PEPD: variants seen among roughly 807,000 people sequenced by gnomAD.
PEPD encodes the protein xaa-Pro dipeptidase.
PEPD carries 53 observed loss-of-function variants against 60.7 expected under a neutral mutation model. The observed-to-expected ratio is 0.87, with a 90% CI of 0.70 to 1.10. The LOEUF (loss-of-function observed/expected upper bound fraction) is 1.10, where lower values mean the gene tolerates loss of function less well. PEPD is among the 50% of genes least tolerant of loss of function. The probability of loss-of-function intolerance (pLI) is 0.00; values close to 1 mark genes in which losing one functional copy is unlikely to be tolerated. For missense variants in PEPD, 711 were observed against 711.9 expected (o/e 1.00, Z 0.01); for synonymous variants, 267 against 284.1 (o/e 0.94, Z 0.60).
intron 6 of PEPD, among the ~76,000 whole-genome samples, 193 bp downstream of exon 6, chr19:33,489,803 G>A (rs990355431): frequency 1.3e-5 from 2 of 152,060 alleles, no homozygotes; most frequent in African/African-American, 2.4e-5. Flanking sequence ...AACAGACACG[G>A]GGCACCTTTC....
intron 10 of PEPD, 38 bp from the exon 11 acceptor site, chr19:33,411,787 T>C: frequency 7.8e-7 from 1 of 1,287,166 alleles, no homozygotes. Context: ...AAGCCCATTC[T>C]TCTGCAGCAG....
chr19:33,449,371 A>G lies in PEPD; in HGVS notation c.671+13624T>C, dbSNP rs566215158. Among the ~76,000 whole-genome samples, 5 of 152,312 alleles carry G rather than the reference A, an allele frequency of 3.3e-5. No individual in the cohort carries two copies. In the South Asian group the frequency reaches 1.0e-3, roughly 32 times the overall value. On this transcript the variant is annotated intron_variant, in intron 9 of 14. Transcript: ENST00000244137. ...AGCTCTTGGCCAGCTGTGCAGAAAG[A>G]GCCAGAGAGGTCTCCTGGGTGAAAA...
chr19:33,492,671 T>A (rs1297330423), intron 5 of PEPD, among the ~76,000 whole-genome samples: 3 of 152,210 alleles, frequency 2.0e-5, no homozygotes, highest in Admixed American at 2.0e-4. Context: ...TTAAACTGAC[T>A]TTCTACATCC....
rs560149023 is a variant in PEPD, at chr19:33,403,155, C to G, written c.819-1286G>C. On this transcript the variant is annotated intron_variant, in intron 11 of 14. Transcript: ENST00000244137. ...AGGGGGCGGAGGGGCGCAGGTGGTG[C>G]CCCTTTCCATCCATCCCACCTAGGC... Among the ~76,000 whole-genome samples the G allele has an allele frequency of 2.0e-5, 3 of 152,312 alleles. No individual in the cohort carries two copies. In the South Asian group the frequency reaches 6.2e-4, roughly 32 times the overall value.
At chr19:33,389,308 C>G (rs575749109) in intron 13 of PEPD, among the ~76,000 whole-genome samples, 5 of 152,100 alleles carry the variant, frequency 3.3e-5, no homozygotes, top group Admixed American at 3.3e-4. Context: ...GGCCGCTGAC[C>G]GGGAGCTGAG....
chr19:33,511,342 G>A, intron 2 of PEPD, 187 bp from the exon 3 acceptor site: 1 of 610,494 alleles, frequency 1.6e-6, no homozygotes, highest in Non-Finnish European at 3.0e-6. Flanking sequence ...TTTGGCAGGG[G>A]GCAGCCTGGC....
intron 7 of PEPD, among the ~76,000 whole-genome samples, chr19:33,464,467 C>T (rs986852332): frequency 3.3e-5 from 5 of 152,210 alleles, no homozygotes; most frequent in Non-Finnish European, 7.3e-5. Context: ...CTGCTGCCTC[C>T]CAGGGCTCTG....
intron 11 of PEPD, among the ~76,000 whole-genome samples, chr19:33,405,773 T>A (rs565988365): frequency 1.1e-3 from 161 of 152,348 alleles, no homozygotes; most frequent in African/African-American, 3.3e-3. Context: ...CAAGGGGACC[T>A]CTCTCCAGTG....
intron 9 of PEPD, among the ~76,000 whole-genome samples, chr19:33,457,773 G>A (rs1969831836): frequency 6.6e-6 from 1 of 152,232 alleles, no homozygotes; most frequent in African/African-American, 2.4e-5. Context: ...GCCTCCCAAA[G>A]TGCTGGAATT....
chr19:33,433,791 G>A (rs1043324540), intron 9 of PEPD, among the ~76,000 whole-genome samples: 1 of 152,190 alleles, frequency 6.6e-6, no homozygotes, highest in African/African-American at 2.4e-5. Flanking sequence ...CTGTAGCTCT[G>A]GAGATGTCTG....
At chr19:33,517,911 G>A (rs1971054030) in intron 1 of PEPD, among the ~76,000 whole-genome samples, 1 of 150,696 alleles carries the variant, frequency 6.6e-6, no homozygotes, top group Non-Finnish European at 1.5e-5. Context: ...AGGTTGCAGT[G>A]AGCCGAGATC....
chr19:33,481,093 A>C (rs2145302698), intron 6 of PEPD, among the ~76,000 whole-genome samples: 1 of 152,330 alleles, frequency 6.6e-6, no homozygotes, highest in East Asian at 1.9e-4. Flanking sequence ...GTAGACTCCT[A>C]AATAACCAAT....
intron 9 of PEPD, among the ~76,000 whole-genome samples, chr19:33,458,448 T>A (rs1277197237): frequency 6.7e-6 from 1 of 150,072 alleles, no homozygotes; most frequent in Non-Finnish European, 1.5e-5. Flanking sequence ...GTGGTATATG[T>A]GTGGTGTGTG....
intron 9 of PEPD, among the ~76,000 whole-genome samples, chr19:33,431,162 A>AGAAG (rs1275772073): frequency 9.9e-4 from 133 of 134,926 alleles, no homozygotes; most frequent in African/African-American, 2.9e-3. Flanking sequence ...AAGGAAGGAA[A>AGAAG]GAAGGAAGGA....
At chr19:33,493,233 C>T (rs1467262090) in intron 5 of PEPD, 57 bp downstream of exon 5, 1 of 1,265,722 alleles carries the variant, frequency 7.9e-7, no homozygotes, top group African/African-American at 1.5e-5. Context: ...AGGTGGCCCC[C>T]ATAAAAACCC....
intron 9 of PEPD, among the ~76,000 whole-genome samples, chr19:33,455,074 C>T (rs1969771491): frequency 6.6e-6 from 1 of 152,158 alleles, no homozygotes; most frequent in Non-Finnish European, 1.5e-5. Context: ...GACAATGGAA[C>T]GTGATATGGT....
At chr19:33,412,871 AC>A (rs1236007613) in intron 10 of PEPD, among the ~76,000 whole-genome samples, 1 of 152,204 alleles carries the variant, frequency 6.6e-6, no homozygotes, top group Non-Finnish European at 1.5e-5. Flanking sequence ...GGCCACGCCC[AC>A]AGCCAGGACG....
chr19:33,415,316 A>G (rs550144070), intron 9 of PEPD, among the ~76,000 whole-genome samples: 8 of 152,362 alleles, frequency 5.3e-5, no homozygotes, highest in African/African-American at 1.9e-4. Context: ...GGCTTCAGAA[A>G]AGACAGGCAG....
At chr19:33,489,074 T>C (rs1330734241) in intron 6 of PEPD, among the ~76,000 whole-genome samples, 1 of 151,874 alleles carries the variant, frequency 6.6e-6, no homozygotes, top group African/African-American at 2.4e-5. Context: ...GGCAGGGCTC[T>C]CCCGCCCTCT....
Sources: allele counts gnomAD v4.1 joint callset (sites outside exome capture counted in the v4.1 genomes callset), GRCh38; gene constraint gnomAD v4.1.1; transcripts MANE v1.5; gene names NCBI Gene and HGNC (gene_info 2026-07-23, HGNC 2026-07-21).